KAT2B: variants seen among roughly 807,000 people sequenced by gnomAD.
KAT2B encodes lysine acetyltransferase 2B.
KAT2B carries 36 observed loss-of-function variants against 105.9 expected under a neutral mutation model. The ratio of observed to expected loss-of-function variants is 0.34; its 90% CI spans 0.26 to 0.45. The LOEUF (loss-of-function observed/expected upper bound fraction) is 0.45, where lower values mean the gene tolerates loss of function less well. KAT2B is among the 20% of genes least tolerant of loss of function. The pLI is 1.00. For missense variants in KAT2B, 820 were observed against 1,021.6 expected (o/e 0.80, Z 2.69); for synonymous variants, 397 against 377.9 (o/e 1.05, Z -0.59).
At position 20,124,976 on chromosome 3, in the gene KAT2B, G is replaced by A. The variant is rs115239756; in HGVS notation, c.1414-929G>A. On this transcript the variant is annotated intron_variant, in intron 9 of 17. Coordinates refer to ENST00000263754, the MANE Select transcript of KAT2B (RefSeq NM_003884.5). ...GTGCTTCCAGCTATGGTTGAGTGTA[G>A]GTCAACAGATATTCTCTGGAAAGAA... 2.3e-3 allele frequency among the ~76,000 whole-genome samples: 353 copies of A among 152,254 alleles called. 1 individual carries two copies. Among genetic ancestry groups the A allele is most frequent in the African/African-American group, 8.3e-3 (343 of 41,546 alleles).
chr3:20,094,537 G>C (rs35645247), intron 2 of KAT2B, among the ~76,000 whole-genome samples: 16,778 of 152,216 alleles, frequency 0.11, 1,175 homozygotes, highest in Admixed American at 0.16. Flanking sequence ...AACCTTAAAA[G>C]ATGGACTGTA....
At chr3:20,145,937 T>G (rs1417605627) in intron 13 of KAT2B, among the ~76,000 whole-genome samples, 1 of 152,230 alleles carries the variant, frequency 6.6e-6, no homozygotes. Flanking sequence ...GAAGAGGTTC[T>G]GTCACTTGAC....
At chr3:20,125,077 C>G (rs1699375791) in intron 9 of KAT2B, among the ~76,000 whole-genome samples, 1 of 152,110 alleles carries the variant, frequency 6.6e-6, no homozygotes, top group Non-Finnish European at 1.5e-5. Context: ...AATCCCAGCA[C>G]TTTGGGAGGC....
intron 5 of KAT2B, among the ~76,000 whole-genome samples, chr3:20,106,709 T>G (rs903877357): frequency 1.3e-5 from 2 of 151,874 alleles, no homozygotes; most frequent in Non-Finnish European, 2.9e-5. Context: ...TTAAAGCACT[T>G]TTGGATAACT....
chr3:20,041,689 A>G (rs1383657711), intron 1 of KAT2B, among the ~76,000 whole-genome samples: 1 of 152,026 alleles, frequency 6.6e-6, no homozygotes, highest in African/African-American at 2.4e-5. Context: ...GGGGGCGGGG[A>G]CTTGGCCTTG....
intron 1 of KAT2B, among the ~76,000 whole-genome samples, chr3:20,053,825 G>A (rs904275318): frequency 1.2e-4 from 18 of 151,778 alleles, no homozygotes; most frequent in African/African-American, 4.4e-4. Flanking sequence ...TTGAGATGGA[G>A]TCTCACTCTG....
chr3:20,104,882 G>GTTTT (rs1419073499), intron 5 of KAT2B, among the ~76,000 whole-genome samples: 4 of 88,032 alleles, frequency 4.5e-5, no homozygotes, highest in Non-Finnish European at 2.2e-5. Context: ...TTTTTTTGTT[G>GTTTT]TTTTTTTGTT....
intron 1 of KAT2B, among the ~76,000 whole-genome samples, chr3:20,066,726 T>A (rs1243678093): frequency 6.6e-6 from 1 of 151,638 alleles, no homozygotes; most frequent in Non-Finnish European, 1.5e-5. Flanking sequence ...GGGCACACAC[T>A]ATTTAACCCA....
chr3:20,125,817 AACAAAG>A lies in KAT2B; in HGVS notation c.1414-86_1414-81del, dbSNP rs369657764. The A allele has an allele frequency of 3.3e-4, 360 of 1,074,850 alleles. 1 individual carries two copies. In the African/African-American group the frequency reaches 4.9e-3, roughly 15 times the overall value. 66.6% of individuals were successfully genotyped at this position (1,074,850 alleles called of 1,614,324 possible). A position where few individuals can be genotyped will look rare whatever the true frequency, so the allele number is the denominator to read the frequency against. On this transcript the variant is annotated intron_variant, in intron 9 of 17. Transcript: ENST00000263754. The stretch of plus-strand genomic sequence containing the variant: ...AATCCACAAATGTGTATCTTATTAG[AACAAAG>A]ATGAGAAGCTTGGATGTGTCCCATC...
chr3:20,083,727 T>C (rs1698562616), intron 2 of KAT2B, among the ~76,000 whole-genome samples: 1 of 152,110 alleles, frequency 6.6e-6, no homozygotes, highest in African/African-American at 2.4e-5. Flanking sequence ...AAATGCAGTG[T>C]CTCTGAGAGA....
chr3:20,043,952 A>G (rs1697762188), intron 1 of KAT2B, among the ~76,000 whole-genome samples: 1 of 152,116 alleles, frequency 6.6e-6, no homozygotes, highest in African/African-American at 2.4e-5. Context: ...GGCTTTTGAA[A>G]GAAAAACAGG....
chr3:20,094,996 A>G (rs1698783610), intron 2 of KAT2B, among the ~76,000 whole-genome samples: 1 of 152,180 alleles, frequency 6.6e-6, no homozygotes, highest in African/African-American at 2.4e-5. Flanking sequence ...TGATTCTTAA[A>G]ATATACATTA....
chr3:20,081,657 A>G (rs1230972096), intron 2 of KAT2B, among the ~76,000 whole-genome samples: 2 of 152,158 alleles, frequency 1.3e-5, no homozygotes, highest in Non-Finnish European at 2.9e-5. Context: ...ATTAGTGTAT[A>G]TCAATGCTTT....
At chr3:20,069,167 T>A (rs1698275345) in intron 1 of KAT2B, among the ~76,000 whole-genome samples, 1 of 152,136 alleles carries the variant, frequency 6.6e-6, no homozygotes, top group Admixed American at 6.5e-5. Flanking sequence ...GAGCACCCAG[T>A]GAAGAGTAAC....
At chr3:20,074,633 A>G (rs1422552253) in intron 2 of KAT2B, among the ~76,000 whole-genome samples, 3 of 152,342 alleles carry the variant, frequency 2.0e-5, no homozygotes, top group South Asian at 2.1e-4. Flanking sequence ...TAAGAAAACA[A>G]TGCATATAAG....
At chr3:20,137,139 C>T (rs1396023623) in intron 12 of KAT2B, 87 bp downstream of exon 12, 3 of 704,682 alleles carry the variant, frequency 4.3e-6, no homozygotes, top group East Asian at 5.3e-5. Flanking sequence ...GTTTCTCCCC[C>T]AGTGTTTTCT....
chr3:20,043,210 G>A (rs115968804), intron 1 of KAT2B, among the ~76,000 whole-genome samples: 3,992 of 152,206 alleles, frequency 0.026, 77 homozygotes, highest in South Asian at 0.081. Flanking sequence ...GGCTGAAAGT[G>A]TTCATTTTTA....
chr3:20,107,656 CA>C (rs577426047), intron 5 of KAT2B, among the ~76,000 whole-genome samples: 6,650 of 95,576 alleles, frequency 0.07, 447 homozygotes, highest in African/African-American at 0.22. Flanking sequence ...TACTATGTCT[CA>C]AAAAAAAAAA....
Position 20,111,657 on chromosome 3 carries a change from C to A in KAT2B, c.913C>A (p.Gln305Lys). The part of the protein sequence containing the change: ...CDSLPRYETT[Q>K]VFGRTLLRSV... ...CAGTCTACCTCGGTACGAAACCACACAGGTGTTTGGGAGAACATTGCTTCG... is the reference window on the plus strand; with the variant it reads ...CAGTCTACCTCGGTACGAAACCACAAAGGTGTTTGGGAGAACATTGCTTCG... Residue 305 changes from glutamine to lysine, a missense_variant, in exon 6 of 18, where the codon CAG (glutamine) becomes AAG (lysine). Gln to Lys is a moderately conservative substitution (Grantham distance 53). Coordinates refer to ENST00000263754, the MANE Select transcript of KAT2B (RefSeq NM_003884.5). 3 of 1,614,048 alleles carry A rather than the reference C, an allele frequency of 1.9e-6. No homozygotes were observed. The South Asian group carries it at 3.3e-5, about 18-fold the overall frequency.
Sources: gnomAD v4.1 joint callset for allele counts (sites outside exome capture counted in the v4.1 genomes callset) on GRCh38, gnomAD v4.1.1 for gene constraint, MANE v1.5 for transcripts, NCBI Gene and HGNC (gene_info 2026-07-23, HGNC 2026-07-21) for gene names.